ROBO2: variants seen among roughly 807,000 people sequenced by gnomAD.
ROBO2 encodes the protein roundabout guidance receptor 2.
ROBO2 carries 53 observed loss-of-function variants against 160.8 expected under a neutral mutation model. The observed-to-expected ratio is 0.33, with a 90% CI of 0.26 to 0.41. The LOEUF is 0.41. Among genes scored for constraint, ROBO2 ranks in the 10% least tolerant of loss-of-function variants. The pLI is 1.00. For missense variants in ROBO2, 1,577 were observed against 1,722.4 expected, an observed-to-expected ratio of 0.92 and a Z score of 1.49; for synonymous variants, 664 against 611.7, an observed-to-expected ratio of 1.09 and a Z score of -1.26.
intron 2 of ROBO2, among the ~76,000 whole-genome samples, chr3:77,302,544 AT>A (rs2062752529): frequency 1.3e-5 from 2 of 152,150 alleles, no homozygotes; most frequent in Admixed American, 1.3e-4. Context: ...TATAATTAAT[AT>A]GCGTTCTTGG....
chr3:76,952,411 T>C (rs2079013148), intron 2 of ROBO2, among the ~76,000 whole-genome samples: 1 of 152,130 alleles, frequency 6.6e-6, no homozygotes, highest in Non-Finnish European at 1.5e-5. Flanking sequence ...GCCTCCCAAG[T>C]AGCTGGGATT....
At chr3:77,633,424 A>G (rs1324990520) in intron 23 of ROBO2, 8 of 152,324 alleles carry the variant, frequency 5.3e-5, no homozygotes, top group Admixed American at 2.6e-4. Context: ...CAACAAAATA[A>G]CTTAGGCATG....
chr3:76,156,454 G>A (rs1371595722), intron 2 of ROBO2, among the ~76,000 whole-genome samples: 1 of 152,070 alleles, frequency 6.6e-6, no homozygotes, highest in Non-Finnish European at 1.5e-5. Flanking sequence ...TTCTGAATTG[G>A]ACCCCAGAAT....
intron 2 of ROBO2, among the ~76,000 whole-genome samples, chr3:77,166,778 C>T (rs1352432125): frequency 1.3e-5 from 2 of 152,208 alleles, no homozygotes; most frequent in East Asian, 3.9e-4. Context: ...CCAGGATGGT[C>T]TCGATCTCCT....
intron 9 of ROBO2, among the ~76,000 whole-genome samples, chr3:77,561,197 T>G (rs973982285): frequency 1.3e-5 from 2 of 152,282 alleles, no homozygotes; most frequent in Non-Finnish European, 2.9e-5. Context: ...TACCTGAGAA[T>G]CAATCGAGAA....
rs5850279 is a variant in ROBO2 at position 76,654,929 on chromosome 3, T to TATATATATATATATATATATA, written c.110-443085_110-443084insATATATATATATATATATATA. 2.1e-4 allele frequency among the ~76,000 whole-genome samples: 30 copies of TATATATATATATATATATATA among 141,452 alleles called. 1 individual carries two copies. Among genetic ancestry groups the TATATATATATATATATATATA allele is most frequent in the Non-Finnish European group, 3.7e-4 (24 of 65,518 alleles). 92.8% of individuals were successfully genotyped at this position (141,452 alleles called of 152,430 possible). A position where few individuals can be genotyped will look rare whatever the true frequency, so the allele number is the denominator to read the frequency against. ...TATGTGTGTGTATATATATATATATTTATATATATAAATTTAAAGTTCAAA... is the reference window on the plus strand; with the variant it reads ...TATGTGTGTGTATATATATATATATTATATATATATATATATATATATATATATATAAATTTAAAGTTCAAA... On this transcript the variant is annotated intron_variant, in intron 2 of 26. Coordinates refer to the ROBO2 transcript ENST00000487694.
intron 2 of ROBO2, among the ~76,000 whole-genome samples, chr3:77,324,824 A>ATTTT (rs2065218113): frequency 4.0e-5 from 6 of 151,278 alleles, no homozygotes; most frequent in Admixed American, 3.3e-4. Flanking sequence ...CTTTACAGGG[A>ATTTT]TAGCAAAAAT....
At chr3:76,578,779 A>G (rs1206472787) in intron 2 of ROBO2, among the ~76,000 whole-genome samples, 1 of 152,120 alleles carries the variant, frequency 6.6e-6, no homozygotes, top group Non-Finnish European at 1.5e-5. Context: ...AGGCCAATAT[A>G]TTCAACAGCC....
At position 77,143,268 on chromosome 3, in the gene ROBO2, C is replaced by T. The variant is rs537351231; in HGVS notation, c.388+44928C>T. Among the ~76,000 whole-genome samples, 46 of 144,358 alleles carry T rather than the reference C, an allele frequency of 3.2e-4. No individual in the cohort carries two copies. In the South Asian group the frequency reaches 7.9e-3, roughly 25 times the overall value. The allele number at this position is 144,358 out of a possible 152,430, so 94.7% of individuals were successfully genotyped here. A position where few individuals can be genotyped will look rare whatever the true frequency, so the allele number is the denominator to read the frequency against. On this transcript the variant is annotated intron_variant, in intron 2 of 25. Transcript: ENST00000461745. Reference sequence around the variant, plus strand: ...TGGTACAATCTTGACAATCTTGGCTCGCTGCAACCTCTGCCTCCCAGGTTC... The same window carrying T: ...TGGTACAATCTTGACAATCTTGGCTTGCTGCAACCTCTGCCTCCCAGGTTC...
chr3:77,165,263 C>T (rs1416965275), intron 2 of ROBO2, among the ~76,000 whole-genome samples: 10 of 148,450 alleles, frequency 6.7e-5, no homozygotes, highest in African/African-American at 2.2e-4. Context: ...TGACCTTACC[C>T]CCAACCCTGT....
intron 2 of ROBO2, among the ~76,000 whole-genome samples, chr3:76,649,563 T>G (rs2091155302): frequency 6.6e-6 from 1 of 152,138 alleles, no homozygotes; most frequent in Non-Finnish European, 1.5e-5. Flanking sequence ...GTTAAAAATT[T>G]ATTAGGTTTA....
rs941988979 is a variant in ROBO2, at chr3:76,689,361, C to A, written c.110-408653C>A. Among the ~76,000 whole-genome samples the A allele has an allele frequency of 3.9e-5, 6 of 152,162 alleles. No individual in the cohort carries two copies. In the South Asian group the frequency reaches 1.2e-3, roughly 32 times the overall value. The stretch of plus-strand genomic sequence containing the variant: ...AATCACACAGTTAAACAGACAATTA[C>A]AATACAATGCATGGAGCACCAAGTA... On this transcript the variant is annotated intron_variant, in intron 2 of 26. Coordinates refer to the ROBO2 transcript ENST00000487694.
At chr3:76,809,219 C>T (rs2064973523) in intron 2 of ROBO2, among the ~76,000 whole-genome samples, 1 of 152,114 alleles carries the variant, frequency 6.6e-6, no homozygotes, top group Admixed American at 6.6e-5. Flanking sequence ...GAAATTTTAT[C>T]AGAGGCTTGA....
chr3:77,371,186 T>A (rs2071700354), intron 2 of ROBO2, among the ~76,000 whole-genome samples: 1 of 152,198 alleles, frequency 6.6e-6, no homozygotes. Flanking sequence ...GGATCAAGGT[T>A]GGTGATTTAT....
chr3:76,229,078 C>G (rs1704463559), intron 2 of ROBO2, among the ~76,000 whole-genome samples: 1 of 152,010 alleles, frequency 6.6e-6, no homozygotes, highest in African/African-American at 2.4e-5. Flanking sequence ...TTCTCAAATT[C>G]TCTAGTATAT....
chr3:77,138,939 G>C (rs1301498615), intron 2 of ROBO2, among the ~76,000 whole-genome samples: 1 of 152,094 alleles, frequency 6.6e-6, no homozygotes, highest in Non-Finnish European at 1.5e-5. Flanking sequence ...CTCTGGCTCT[G>C]TGTTGCAAAG....
intron 2 of ROBO2, among the ~76,000 whole-genome samples, chr3:76,652,333 T>C (rs755342223): frequency 3.3e-5 from 5 of 152,214 alleles, no homozygotes; most frequent in Admixed American, 6.5e-5. Context: ...GTTAAATTTC[T>C]GTGACAAGAT....
chr3:77,014,405 G>A (rs915080185), intron 2 of ROBO2, among the ~76,000 whole-genome samples: 16 of 152,160 alleles, frequency 1.1e-4, no homozygotes, highest in African/African-American at 3.9e-4. Context: ...TCCCCAGCCA[G>A]GGCTATGCTT....
intron 2 of ROBO2, among the ~76,000 whole-genome samples, chr3:76,549,778 C>T (rs189387241): frequency 2.2e-4 from 34 of 152,258 alleles, no homozygotes; most frequent in African/African-American, 8.2e-4. Context: ...TGGGATTTGT[C>T]ACCTTAAAAC....
Sources: gnomAD v4.1 joint callset for allele counts (sites outside exome capture counted in the v4.1 genomes callset) on GRCh38, gnomAD v4.1.1 for gene constraint, MANE v1.5 for transcripts, NCBI Gene and HGNC (gene_info 2026-07-23, HGNC 2026-07-21) for gene names.